Variants in SCD5 observed in about 807,000 individuals in gnomAD.
SCD5 encodes acyl-CoA-desaturase 4.
SCD5 carries 20 observed loss-of-function variants against 30.4 expected under a neutral mutation model. The ratio of observed to expected loss-of-function variants is 0.66; its 90% CI spans 0.46 to 0.96. SCD5 has a LOEUF of 0.96. Among genes scored for constraint, SCD5 ranks in the 40% least tolerant of loss-of-function variants. The pLI is 0.00. For missense variants in SCD5, 381 were observed against 443.3 expected (o/e 0.86, Z 1.26); for synonymous variants, 173 against 176.4 (o/e 0.98, Z 0.16).
At chr4:82,725,862 A>G (rs1267049530) in intron 1 of SCD5, among the ~76,000 whole-genome samples, 2 of 49,562 alleles carry the variant, frequency 4.0e-5, no homozygotes, top group Non-Finnish European at 7.5e-5. Flanking sequence ...TCTGTTTCAA[A>G]AAAAGAAAAA....
intron 1 of SCD5, among the ~76,000 whole-genome samples, chr4:82,757,006 T>C (rs1464978609): frequency 1.3e-5 from 2 of 152,114 alleles, no homozygotes; most frequent in Non-Finnish European, 2.9e-5. Context: ...GCTGGGATTA[T>C]AGGCGTGAGC....
Position 82,636,827 on chromosome 4 carries a change from C to T in SCD5, c.570-4G>A, listed in dbSNP as rs1216271531. On this transcript the variant is annotated splice_region_variant and splice_polypyrimidine_tract_variant and intron_variant, in intron 3 of 4. Transcript: ENST00000319540. ...CACCACGGAGATCTTATAGTACCTA[C>T]AGGGCAAGACACCATATCACCATGA... 1.2e-6 allele frequency: 2 copies of T among 1,603,002 alleles called. No homozygotes were observed. The highest frequency in any genetic ancestry group is 1.3e-5 in the African/African-American group (1 of 74,824).
intron 2 of SCD5, among the ~76,000 whole-genome samples, chr4:82,690,620 T>C (rs562178847): frequency 6.6e-6 from 1 of 152,226 alleles, no homozygotes; most frequent in Non-Finnish European, 1.5e-5. Context: ...ACTGTTAACA[T>C]CCTCTTTCCA....
At chr4:82,692,893 C>G (rs1458404940) in intron 2 of SCD5, among the ~76,000 whole-genome samples, 1 of 152,194 alleles carries the variant, frequency 6.6e-6, no homozygotes, top group African/African-American at 2.4e-5. Context: ...GCTGGCTTCC[C>G]TGAGGGAGAG....
At chr4:82,741,860 G>GGGGGGT (rs1720880448) in intron 1 of SCD5, among the ~76,000 whole-genome samples, 2 of 132,104 alleles carry the variant, frequency 1.5e-5, no homozygotes, top group Non-Finnish European at 3.2e-5. Context: ...GGGCGGGGGG[G>GGGGGGT]GGGAGTGGGC....
At chr4:82,750,285 C>G (rs181325048) in intron 1 of SCD5, among the ~76,000 whole-genome samples, 1 of 152,290 alleles carries the variant, frequency 6.6e-6, no homozygotes, top group East Asian at 1.9e-4. Context: ...ATCCATCTCC[C>G]CATCCTCTGT....
intron 3 of SCD5, among the ~76,000 whole-genome samples, chr4:82,665,995 A>G (rs1728177816): frequency 6.6e-6 from 1 of 152,142 alleles, no homozygotes; most frequent in Non-Finnish European, 1.5e-5. Context: ...CAATGAACCT[A>G]TATTACATTT....
intron 1 of SCD5, among the ~76,000 whole-genome samples, chr4:82,779,152 A>G (rs1391918183): frequency 6.6e-6 from 1 of 151,646 alleles, no homozygotes; most frequent in Non-Finnish European, 1.5e-5. Flanking sequence ...GGCGTGAGTC[A>G]CTGCGATCAG....
At chr4:82,759,006 C>T (rs1008109125) in intron 1 of SCD5, among the ~76,000 whole-genome samples, 8 of 152,316 alleles carry the variant, frequency 5.3e-5, no homozygotes, top group Non-Finnish European at 7.3e-5. Context: ...CCGCTGACAC[C>T]GGCAACTGCT....
intron 4 of SCD5, among the ~76,000 whole-genome samples, chr4:82,634,125 G>A (rs867930081): frequency 1.3e-5 from 2 of 152,156 alleles, no homozygotes; most frequent in Non-Finnish European, 2.9e-5. Flanking sequence ...TTATATGGAT[G>A]TACAACATTG....
intron 1 of SCD5, among the ~76,000 whole-genome samples, chr4:82,729,524 C>A (rs909455846): frequency 6.6e-6 from 1 of 152,108 alleles, no homozygotes; most frequent in Admixed American, 6.5e-5. Context: ...TAGGTCTAAC[C>A]AAATACAAGT....
intron 1 of SCD5, among the ~76,000 whole-genome samples, chr4:82,748,973 C>T (rs948479531): frequency 2.6e-5 from 4 of 152,268 alleles, no homozygotes; most frequent in East Asian, 1.9e-4. Flanking sequence ...GAAAAGATAG[C>T]CTCCGCCTCC....
chr4:82,660,602 G>A (rs1245182591), intron 3 of SCD5: 2 of 1,277,112 alleles, frequency 1.6e-6, no homozygotes, highest in African/African-American at 3.0e-5. Flanking sequence ...ATTTTGTAAG[G>A]TAGGTATCAT....
intron 1 of SCD5, among the ~76,000 whole-genome samples, chr4:82,767,121 T>G (rs1331133849): frequency 6.6e-6 from 1 of 152,116 alleles, no homozygotes; most frequent in East Asian, 1.9e-4. Context: ...CTCTGTTCCT[T>G]TTGAATGGTT....
At chr4:82,717,305 T>C (rs1720248656) in intron 1 of SCD5, among the ~76,000 whole-genome samples, 1 of 151,712 alleles carries the variant, frequency 6.6e-6, no homozygotes, top group Non-Finnish European at 1.5e-5. Context: ...CTCAGACTGC[T>C]CAGGTTCTCT....
intron 1 of SCD5, among the ~76,000 whole-genome samples, chr4:82,772,170 T>C (rs1166163752): frequency 1.3e-5 from 2 of 152,196 alleles, no homozygotes; most frequent in Non-Finnish European, 2.9e-5. Context: ...ACAGAGATTT[T>C]TGGCTTTAGC....
chr4:82,754,927 G>A (rs1721201105), intron 1 of SCD5, among the ~76,000 whole-genome samples: 1 of 152,160 alleles, frequency 6.6e-6, no homozygotes, highest in Non-Finnish European at 1.5e-5. Flanking sequence ...TCACTCAGAG[G>A]AACAGAAGCA....
chr4:82,700,119 A>G (rs1228171396), intron 2 of SCD5, among the ~76,000 whole-genome samples: 3 of 152,068 alleles, frequency 2.0e-5, no homozygotes, highest in African/African-American at 4.8e-5. Context: ...CGGGTGGCTT[A>G]GGCATGAGAA....
intron 1 of SCD5, among the ~76,000 whole-genome samples, chr4:82,754,749 G>A (rs1721196801): frequency 1.3e-5 from 2 of 152,234 alleles, no homozygotes; most frequent in South Asian, 2.1e-4. Flanking sequence ...GAAAGTGGGG[G>A]AACCCATGCC....
Sources: allele counts gnomAD v4.1 joint callset (sites outside exome capture counted in the v4.1 genomes callset), GRCh38; gene constraint gnomAD v4.1.1; transcripts MANE v1.5; gene names NCBI Gene and HGNC (gene_info 2026-07-23, HGNC 2026-07-21).